SORCS1: variants seen among roughly 807,000 people sequenced by gnomAD.
The protein encoded by SORCS1 is sortilin related VPS10 domain containing receptor 1.
Under a neutral mutation model 146.1 loss-of-function variants are expected in SORCS1, and 60 were observed. The observed-to-expected ratio is 0.41, with a 90% CI of 0.33 to 0.51. SORCS1 has a LOEUF of 0.51. Among genes scored for constraint, SORCS1 ranks in the 20% least tolerant of loss-of-function variants. The pLI is 0.21. For missense variants in SORCS1, 1,352 were observed against 1,487.6 expected (o/e 0.91, Z 1.50); for synonymous variants, 637 against 584.0 (o/e 1.09, Z -1.31).
chr10:107,012,734 C>T (rs2139752968), intron 1 of SORCS1, among the ~76,000 whole-genome samples: 1 of 152,274 alleles, frequency 6.6e-6, no homozygotes, highest in South Asian at 2.1e-4. Context: ...ACTGTTAACT[C>T]ACTGTGACCC....
intron 2 of SORCS1, among the ~76,000 whole-genome samples, chr10:106,867,255 AT>A (rs1950253766): frequency 6.6e-6 from 1 of 152,134 alleles, no homozygotes; most frequent in Admixed American, 6.5e-5. Flanking sequence ...CTAAAACCTT[AT>A]AAGCTAGGAC....
chr10:106,784,549 G>A (rs565777603), intron 3 of SORCS1, among the ~76,000 whole-genome samples: 6 of 151,990 alleles, frequency 3.9e-5, no homozygotes, highest in South Asian at 4.2e-4. Flanking sequence ...TATAGCCTCC[G>A]TTCCAACCCA....
Position 107,163,721 on chromosome 10 carries a change from T to C in SORCS1, c.558+248A>G, listed in dbSNP as rs184100658. 3.3e-3 allele frequency among the ~76,000 whole-genome samples: 503 copies of C among 152,150 alleles called. 3 individuals carry two copies. The highest frequency in any genetic ancestry group is 0.011 in the African/African-American group (448 of 41,506). On this transcript the variant is annotated intron_variant, in intron 1 of 25. Transcript: ENST00000263054. Reference sequence around the variant, plus strand: ...CCAATGCGACCAAGGCAACAGGAAATAGGGATTTGACTCCTCAGTTTGAAG... The same window carrying C: ...CCAATGCGACCAAGGCAACAGGAAACAGGGATTTGACTCCTCAGTTTGAAG...
chr10:106,616,960 T>G (rs969995342), intron 21 of SORCS1, among the ~76,000 whole-genome samples: 82 of 151,618 alleles, frequency 5.4e-4, no homozygotes, highest in Middle Eastern at 3.4e-3. Flanking sequence ...TTCTTTTTTT[T>G]TTTTTTCTTT....
intron 4 of SORCS1, among the ~76,000 whole-genome samples, chr10:106,771,099 G>A (rs1859985865): frequency 6.6e-6 from 1 of 152,180 alleles, no homozygotes; most frequent in African/African-American, 2.4e-5. Context: ...TTCACAACAT[G>A]GCACTCTCCC....
In SORCS1 at chr10:107,060,120, T is replaced by TCACA. The variant is rs369094863; in HGVS notation, c.559-103544_559-103541dup. Among the ~76,000 whole-genome samples, 44 of 149,718 alleles carry TCACA rather than the reference T, an allele frequency of 2.9e-4. 2 individuals carry two copies. The highest frequency in any genetic ancestry group is 1.0e-3 in the African/African-American group (41 of 40,840). On this transcript the variant is annotated intron_variant, in intron 1 of 25. Coordinates refer to ENST00000263054, the MANE Select transcript of SORCS1 (RefSeq NM_052918.5). This position sits in a 1 kb window ranked among gnomAD's most constrained non-coding sequence, Gnocchi z 4.1. ...CTGACAAATCGCCTGCCAGACCTCATCACACACACACACACACAGTATCCC... is the reference window on the plus strand; with the variant it reads ...CTGACAAATCGCCTGCCAGACCTCATCACACACACACACACACACACAGTATCCC...
At chr10:107,032,468 C>T (rs968638562) in intron 1 of SORCS1, among the ~76,000 whole-genome samples, 1 of 152,178 alleles carries the variant, frequency 6.6e-6, no homozygotes, top group African/African-American at 2.4e-5. Flanking sequence ...CAGGTCCACC[C>T]TGGAACTCCT....
At chr10:106,944,416 A>G (rs573113241) in intron 2 of SORCS1, among the ~76,000 whole-genome samples, 114 of 152,292 alleles carry the variant, frequency 7.5e-4, no homozygotes, top group African/African-American at 2.7e-3. Context: ...TTACTAGTCT[A>G]ATTCCTACTC....
intron 1 of SORCS1, among the ~76,000 whole-genome samples, chr10:107,029,813 G>A (rs1261010030): frequency 6.6e-6 from 1 of 152,138 alleles, no homozygotes; most frequent in East Asian, 1.9e-4. Flanking sequence ...GTTTTAGGTT[G>A]GCAGCCAGGC....
At chr10:106,787,940 G>T (rs1472019061) in intron 3 of SORCS1, among the ~76,000 whole-genome samples, 1 of 152,186 alleles carries the variant, frequency 6.6e-6, no homozygotes, top group East Asian at 1.9e-4. Flanking sequence ...GTCTGATCTT[G>T]ATTCAAGAGC....
chr10:106,576,317 A>T lies in SORCS1; in HGVS notation c.*1103T>A, dbSNP rs1844575248. ...GGCACAGGCCAGGCCAGTATTTAGG[A>T]AACGTCAGGGTTAATGTCCAGAATC... On this transcript the variant is annotated 3_prime_UTR_variant, in exon 26 of 26. Coordinates refer to ENST00000263054, the MANE Select transcript of SORCS1 (RefSeq NM_052918.5). 6.6e-6 allele frequency: 1 copy of T among 152,356 alleles called. No homozygotes were observed. Among genetic ancestry groups the T allele is most frequent in the Non-Finnish European group, 1.5e-5 (1 of 68,154 alleles). The allele number at this position is 152,356 out of a possible 1,614,324, so 9.4% of individuals were successfully genotyped here.
chr10:106,734,724 A>C (rs1295368463), intron 5 of SORCS1, among the ~76,000 whole-genome samples: 1 of 152,130 alleles, frequency 6.6e-6, no homozygotes, highest in Non-Finnish European at 1.5e-5. Flanking sequence ...TTTTTCCTAT[A>C]ATATACATCT....
intron 9 of SORCS1, among the ~76,000 whole-genome samples, chr10:106,693,023 G>A (rs1479393358): frequency 6.6e-6 from 1 of 151,918 alleles, no homozygotes; most frequent in Non-Finnish European, 1.5e-5. Context: ...TAAACATATT[G>A]TTTAAAATTA....
At chr10:106,934,407 C>G (rs1953590269) in intron 2 of SORCS1, among the ~76,000 whole-genome samples, 1 of 148,030 alleles carries the variant, frequency 6.8e-6, no homozygotes, top group Non-Finnish European at 1.5e-5. Flanking sequence ...ACAGGCGCCA[C>G]CACCACACCC....
intron 2 of SORCS1, among the ~76,000 whole-genome samples, chr10:106,929,913 T>C (rs1953307879): frequency 6.6e-6 from 1 of 152,216 alleles, no homozygotes. Context: ...AATGAATGCT[T>C]GCTAACAGAG....
At chr10:106,713,078 C>T (rs1404916378) in intron 6 of SORCS1, among the ~76,000 whole-genome samples, 3 of 152,178 alleles carry the variant, frequency 2.0e-5, no homozygotes, top group African/African-American at 7.2e-5. Flanking sequence ...AGATCTTCTG[C>T]CTCTGTAAAC....
chr10:106,923,631 G>T (rs1220483313), intron 2 of SORCS1, among the ~76,000 whole-genome samples: 1 of 152,146 alleles, frequency 6.6e-6, no homozygotes, highest in Non-Finnish European at 1.5e-5. Context: ...AGCATTTGGT[G>T]GTGTCAGTGT....
intron 3 of SORCS1, 24 bp from the exon 4 acceptor site, chr10:106,776,716 A>G: frequency 6.3e-7 from 1 of 1,586,954 alleles, no homozygotes; most frequent in Non-Finnish European, 8.6e-7. Context: ...TTGTTGGAGA[A>G]AGAAACAACA....
At chr10:106,685,654 C>A (rs1195888189) in intron 10 of SORCS1, among the ~76,000 whole-genome samples, 5 of 152,094 alleles carry the variant, frequency 3.3e-5, no homozygotes, top group African/African-American at 1.2e-4. Context: ...AAAGAAACAC[C>A]CCCTCCTCCA....
Sources: allele counts gnomAD v4.1 joint callset (sites outside exome capture counted in the v4.1 genomes callset), GRCh38; gene constraint gnomAD v4.1.1; non-coding constraint Gnocchi (gnomAD v3.1); transcripts MANE v1.5; gene names NCBI Gene and HGNC (gene_info 2026-07-23, HGNC 2026-07-21).